Variants in TRPS1 observed in about 807,000 individuals in gnomAD.
TRPS1 encodes transcriptional repressor GATA binding 1.
Under a neutral mutation model 101.2 loss-of-function variants are expected in TRPS1, and 6 were observed. The ratio of observed to expected loss-of-function variants is 0.06; its 90% CI spans 0.03 to 0.12. TRPS1 has a LOEUF of 0.12. Among genes scored for constraint, TRPS1 ranks in the 10% least tolerant of loss-of-function variants. The pLI is 1.00. For missense variants in TRPS1, 1,363 were observed against 1,567.0 expected (o/e 0.87, Z 2.20); for synonymous variants, 578 against 589.8 (o/e 0.98, Z 0.29).
rs144154111 is a variant in TRPS1 at position 115,487,101 on chromosome 8, C to A, written c.2701-68649G>T. Among the ~76,000 whole-genome samples, 120 of 152,270 alleles carry A rather than the reference C, an allele frequency of 7.9e-4. 1 individual carries two copies. The highest frequency in any genetic ancestry group is 2.5e-3 in the African/African-American group (105 of 41,552). On this transcript the variant is annotated intron_variant, in intron 5 of 6. Coordinates refer to ENST00000395715, the MANE Select transcript of TRPS1 (RefSeq NM_014112.5). ...CTGACTTGAAATTCAAGCCAGTGCT[C>A]ATTTATCATTCTAAAATACCTGGAG...
In TRPS1 at chr8:115,651,956, G is replaced by A. The variant is rs140686943; in HGVS notation, c.-122+16589C>T. Among the ~76,000 whole-genome samples, 12 of 152,298 alleles carry A rather than the reference G, an allele frequency of 7.9e-5. No individual in the cohort carries two copies. In the East Asian group the frequency reaches 2.1e-3, roughly 27 times the overall value. ...GGATGATAAACAAGTTTAAAAGCAA[G>A]TACTTACGGAGGCTGAAGGCCACTG... is the stretch of plus-strand genomic sequence containing the variant. On this transcript the variant is annotated intron_variant, in intron 1 of 6. Transcript: ENST00000395715.
intron 1 of TRPS1, among the ~76,000 whole-genome samples, chr8:115,638,729 G>A (rs1312330213): frequency 1.3e-5 from 2 of 151,986 alleles, no homozygotes; most frequent in Admixed American, 6.5e-5. Flanking sequence ...TTTTGGCGGG[G>A]TTTTTACCCT....
chr8:115,618,694 A>T (rs988044268), intron 3 of TRPS1, among the ~76,000 whole-genome samples: 5 of 152,246 alleles, frequency 3.3e-5, no homozygotes, highest in African/African-American at 1.2e-4. Flanking sequence ...ATATAAAATC[A>T]AATCCTAATC....
intron 1 of TRPS1, among the ~76,000 whole-genome samples, chr8:115,663,786 A>G (rs1002959368): frequency 1.3e-5 from 2 of 151,300 alleles, no homozygotes; most frequent in African/African-American, 4.9e-5. Context: ...TAGCTGCTAT[A>G]TGCTGCAGGG....
chr8:115,502,521 C>T (rs1045281396), intron 5 of TRPS1, among the ~76,000 whole-genome samples: 5 of 152,156 alleles, frequency 3.3e-5, no homozygotes, highest in African/African-American at 9.7e-5. Context: ...TAAAGGCTAT[C>T]GGCTATGACA....
At chr8:115,515,425 C>T (rs1219132593) in intron 5 of TRPS1, 8 of 572,340 alleles carry the variant, frequency 1.4e-5, no homozygotes, top group African/African-American at 3.8e-5. Flanking sequence ...TCTCTTTTTC[C>T]TATGATTTTA....
chr8:115,484,318 AT>A (rs1464519071), intron 5 of TRPS1, among the ~76,000 whole-genome samples: 5 of 152,216 alleles, frequency 3.3e-5, no homozygotes, highest in Non-Finnish European at 7.3e-5. Flanking sequence ...TGACTAATAT[AT>A]ATTCAATTTC....
At chr8:115,662,773 A>G (rs947910583) in intron 1 of TRPS1, among the ~76,000 whole-genome samples, 3 of 152,018 alleles carry the variant, frequency 2.0e-5, no homozygotes, top group African/African-American at 7.2e-5. Flanking sequence ...TAAGAAAAAA[A>G]GAGCTGCCTG....
At chr8:115,563,059 T>C (rs181487334) in intron 5 of TRPS1, among the ~76,000 whole-genome samples, 11 of 152,100 alleles carry the variant, frequency 7.2e-5, no homozygotes, top group African/African-American at 2.4e-4. Context: ...CCACACAACA[T>C]GTGGATTATG....
At position 115,613,665 on chromosome 8, in the gene TRPS1, T is replaced by A. The variant is rs373548233; in HGVS notation, c.966+5467A>T. 1.1e-4 allele frequency among the ~76,000 whole-genome samples: 17 copies of A among 152,214 alleles called. No individual in the cohort carries two copies. In the East Asian group the frequency reaches 1.3e-3, roughly 12 times the overall value. ...TATGCTGTTTCCTTATTTTTTTAAA[T>A]GGACATAAGGTTAGTGTTTACTTCT... On this transcript the variant is annotated intron_variant, in intron 3 of 6. Transcript: ENST00000395715.
At chr8:115,480,886 G>C (rs748724604) in intron 5 of TRPS1, among the ~76,000 whole-genome samples, 1 of 151,938 alleles carries the variant, frequency 6.6e-6, no homozygotes, top group African/African-American at 2.4e-5. Context: ...CTAAATTTAC[G>C]TGCATGTCAG....
At chr8:115,528,139 AC>A (rs919963721) in intron 5 of TRPS1, among the ~76,000 whole-genome samples, 3 of 152,040 alleles carry the variant, frequency 2.0e-5, no homozygotes, top group Admixed American at 1.3e-4. Flanking sequence ...ACCATAAAAG[AC>A]TGATACAACC....
Position 115,535,548 on chromosome 8 carries a change from C to CAT in TRPS1, c.2700+51451_2700+51452dup, listed in dbSNP as rs140856876. On this transcript the variant is annotated intron_variant, in intron 5 of 6. Transcript: ENST00000395715. ...GCATATATAGCGCATATATATAGCG[C>CAT]ATATATATATATATATAATTAGTAT... Among the ~76,000 whole-genome samples, 1,015 of 145,186 alleles carry CAT rather than the reference C, an allele frequency of 7.0e-3. 6 individuals carry two copies. The highest frequency in any genetic ancestry group is 0.016 in the African/African-American group (631 of 39,760).
intron 5 of TRPS1, among the ~76,000 whole-genome samples, chr8:115,547,943 A>G (rs1816613662): frequency 6.6e-6 from 1 of 152,110 alleles, no homozygotes; most frequent in Admixed American, 6.5e-5. Flanking sequence ...TAATAATCCT[A>G]AACCTGGCCA....
rs1026145186 is a variant in TRPS1 at position 115,411,063 on chromosome 8, T to C, written c.*2960A>G. 2.0e-5 allele frequency: 3 copies of C among 151,860 alleles called. No homozygotes were observed. Among genetic ancestry groups the C allele is most frequent in the Non-Finnish European group, 2.9e-5 (2 of 67,920 alleles). 9.4% of individuals were successfully genotyped at this position (151,860 alleles called of 1,614,324 possible). A position where few individuals can be genotyped will look rare whatever the true frequency, so the allele number is the denominator to read the frequency against. ...TGTTTAGTGTTATAATAAATTTTTG[T>C]CTCTTTCAAAAAAGCCCAACCTCTT... On this transcript the variant is annotated 3_prime_UTR_variant, in exon 7 of 7. Transcript: ENST00000395715.
intron 5 of TRPS1, among the ~76,000 whole-genome samples, chr8:115,430,642 C>T (rs1813295627): frequency 6.6e-6 from 1 of 151,946 alleles, no homozygotes; most frequent in Admixed American, 6.6e-5. Context: ...AGGAACAGTC[C>T]CTGCTTGTCT....
At chr8:115,590,495 A>T (rs577664978) in intron 4 of TRPS1, among the ~76,000 whole-genome samples, 8 of 152,190 alleles carry the variant, frequency 5.3e-5, no homozygotes, top group Non-Finnish European at 1.0e-4. Flanking sequence ...CTGTTTCAAG[A>T]TATCAAGACT....
intron 1 of TRPS1, among the ~76,000 whole-genome samples, chr8:115,624,620 C>T (rs904651901): frequency 3.7e-4 from 56 of 151,790 alleles, no homozygotes; most frequent in African/African-American, 1.2e-3. Context: ...CTTAATTAAC[C>T]GTATTTCCTT....
chr8:115,410,895 C>T lies in TRPS1; in HGVS notation c.*3128G>A, dbSNP rs912766906. 3 of 151,704 alleles carry T rather than the reference C, an allele frequency of 2.0e-5. No individual in the cohort carries two copies. Among genetic ancestry groups the T allele is most frequent in the Admixed American group, 1.3e-4 (2 of 15,204 alleles). 9.4% of individuals were successfully genotyped at this position (151,704 alleles called of 1,614,324 possible). A position where few individuals can be genotyped will look rare whatever the true frequency, so the allele number is the denominator to read the frequency against. Reference sequence around the variant, plus strand: ...ATTCCTAAATCATCATGAAATTCCTCATTAAAAAAAGTTCCGTACCATAAT... The same window carrying T: ...ATTCCTAAATCATCATGAAATTCCTTATTAAAAAAAGTTCCGTACCATAAT... On this transcript the variant is annotated 3_prime_UTR_variant, in exon 7 of 7. Coordinates refer to ENST00000395715, the MANE Select transcript of TRPS1 (RefSeq NM_014112.5).
Sources: allele counts gnomAD v4.1 joint callset (sites outside exome capture counted in the v4.1 genomes callset), GRCh38; gene constraint gnomAD v4.1.1; transcripts MANE v1.5; gene names NCBI Gene and HGNC (gene_info 2026-07-23, HGNC 2026-07-21).